The following MED18 variants were observed in gnomAD, a reference collection of about 807,000 sequenced individuals.
The protein encoded by MED18 is mediator complex subunit 18, also known as mediator of RNA polymerase II transcription subunit 18.
A neutral mutation model predicts 13.9 loss-of-function variants in MED18; 10 were observed. The observed-to-expected ratio is 0.72, with a 90% CI of 0.44 to 1.22. The LOEUF is 1.22. Among genes scored for constraint, MED18 ranks in the 50% most tolerant of loss-of-function variants. MED18 has a pLI of 0.00. For synonymous variants in MED18, 88 were observed against 93.2 expected (o/e 0.94, Z 0.32); for missense variants, 216 against 279.0 (o/e 0.77, Z 1.61).
intron 2 of MED18, 129 bp from the exon 3 acceptor site, chr1:28,334,288 T>C (rs1395657128): frequency 2.1e-6 from 2 of 967,174 alleles, no homozygotes; most frequent in Non-Finnish European, 3.1e-6. Flanking sequence ...AAATCTCATG[T>C]TTGGCTGTAT....
At chr1:28,333,802 G>A (rs1027965795) in intron 2 of MED18, among the ~76,000 whole-genome samples, 2 of 152,234 alleles carry the variant, frequency 1.3e-5, no homozygotes, top group Admixed American at 1.3e-4. Context: ...GGAGGTTGCA[G>A]TGAGCTGAGA....
Position 28,330,388 on chromosome 1 carries a change from T to A in MED18, c.-66-209T>A, listed in dbSNP as rs1451149036. 6 of 295,198 alleles carry A rather than the reference T, an allele frequency of 2.0e-5. No individual in the cohort carries two copies. The East Asian group carries it at 6.0e-4, about 30-fold the overall frequency. 18.3% of individuals were successfully genotyped at this position (295,198 alleles called of 1,614,324 possible). A position where few individuals can be genotyped will look rare whatever the true frequency, so the allele number is the denominator to read the frequency against. On this transcript the variant is annotated intron_variant, in intron 1 of 2. Transcript: ENST00000373842. ...CAAGATTGCACAGGTAATGTGGAGG[T>A]TTCAGAACTTGAGACTAGAAGGTAA...
chr1:28,329,979 C>T (rs1239004717), intron 1 of MED18, among the ~76,000 whole-genome samples: 2 of 152,060 alleles, frequency 1.3e-5, no homozygotes, highest in African/African-American at 4.8e-5. Context: ...TTAAAAATCA[C>T]TGGCCTTTGG....
In MED18 at chr1:28,335,140, C is replaced by G; in HGVS notation, c.*170C>G. On this transcript the variant is annotated 3_prime_UTR_variant, in exon 3 of 3. Coordinates refer to ENST00000373842, the MANE Select transcript of MED18 (RefSeq NM_017638.3). ...CACTGCAACCTCTGCCTCCTGGGTT[C>G]AAGCAATTCTCCCACCTCAGCCTCC... 1 of 615,132 alleles carries G rather than the reference C, an allele frequency of 1.6e-6. No homozygotes were observed. Among genetic ancestry groups the G allele is most frequent in the South Asian group, 2.1e-5 (1 of 47,582 alleles). 38.1% of individuals were successfully genotyped at this position (615,132 alleles called of 1,614,324 possible).
intron 1 of MED18, among the ~76,000 whole-genome samples, chr1:28,330,076 A>C (rs1296982369): frequency 6.6e-6 from 1 of 152,066 alleles, no homozygotes; most frequent in Non-Finnish European, 1.5e-5. Flanking sequence ...GTTCGAGGCC[A>C]ACCTGGCCAA....
At chr1:28,330,038 A>G (rs1463624619) in intron 1 of MED18, among the ~76,000 whole-genome samples, 32 of 151,976 alleles carry the variant, frequency 2.1e-4, no homozygotes, top group Admixed American at 2.1e-3. Flanking sequence ...GGGAGGCCGG[A>G]TCACCTGAGT....
intron 2 of MED18, among the ~76,000 whole-genome samples, chr1:28,334,023 T>G (rs1455579692): frequency 6.6e-6 from 1 of 151,624 alleles, no homozygotes; most frequent in Non-Finnish European, 1.5e-5. Context: ...AGGCCAGGAG[T>G]TCAAGACCAC....
intron 2 of MED18, among the ~76,000 whole-genome samples, chr1:28,332,251 A>G (rs1380692630): frequency 5.4e-5 from 8 of 147,414 alleles, no homozygotes; most frequent in African/African-American, 2.0e-4. Flanking sequence ...CATCTCTACT[A>G]AAAAAAAAAA....
Position 28,329,064 on chromosome 1 carries a change from G to GGGCT in MED18, c.-182_-179dup, listed in dbSNP as rs1649607609. ...AAGTTGGCTGGTTGCACCGATCTGGGGGCTTCCCGGGCTCGGGTAACCGGA... is the reference window on the plus strand; with the variant it reads ...AAGTTGGCTGGTTGCACCGATCTGGGGGCTGGCTTCCCGGGCTCGGGTAACCGGA... On this transcript the variant is annotated 5_prime_UTR_variant, in exon 1 of 3. Coordinates refer to ENST00000373842, the MANE Select transcript of MED18 (RefSeq NM_017638.3). The GGGCT allele has an allele frequency of 6.6e-6, 1 of 152,182 alleles. No homozygotes were observed. Among genetic ancestry groups the GGGCT allele is most frequent in the Non-Finnish European group, 1.5e-5 (1 of 68,060 alleles). The allele number at this position is 152,182 out of a possible 1,614,324, so 9.4% of individuals were successfully genotyped here. A position where few individuals can be genotyped will look rare whatever the true frequency, so the allele number is the denominator to read the frequency against.
At chr1:28,331,202 A>G (rs1231359506) in intron 2 of MED18, among the ~76,000 whole-genome samples, 1 of 152,066 alleles carries the variant, frequency 6.6e-6, no homozygotes, top group Admixed American at 6.6e-5. Context: ...TCAAAAAAAA[A>G]AAAAAATTGC....
intron 2 of MED18, among the ~76,000 whole-genome samples, chr1:28,331,500 T>G (rs1232892045): frequency 6.6e-6 from 1 of 151,994 alleles, no homozygotes; most frequent in East Asian, 1.9e-4. Context: ...CAGCTAATTT[T>G]TGTATTTTTA....
At chr1:28,329,944 C>T (rs560630063) in intron 1 of MED18, among the ~76,000 whole-genome samples, 37 of 152,180 alleles carry the variant, frequency 2.4e-4, no homozygotes, top group Non-Finnish European at 4.3e-4. Flanking sequence ...TTTATTATCT[C>T]GTTTGAGCCA....
intron 2 of MED18, among the ~76,000 whole-genome samples, chr1:28,331,780 G>A (rs187832600): frequency 2.0e-5 from 3 of 151,264 alleles, no homozygotes; most frequent in Non-Finnish European, 2.9e-5. Flanking sequence ...TTCTCACTCC[G>A]TTGCCCAGGC....
intron 2 of MED18, among the ~76,000 whole-genome samples, chr1:28,330,962 G>A (rs1041161436): frequency 6.6e-6 from 1 of 152,162 alleles, no homozygotes; most frequent in Non-Finnish European, 1.5e-5. Flanking sequence ...GGAGGCCGAG[G>A]TGGGCGGATC....
In MED18 at chr1:28,330,630, G is replaced by T. The variant is rs765768701; in HGVS notation, c.-33G>T. 1.8e-5 allele frequency: 29 copies of T among 1,581,048 alleles called. No homozygotes were observed. Among genetic ancestry groups the T allele is most frequent in the Non-Finnish European group, 2.4e-5 (28 of 1,158,442 alleles). On this transcript the variant is annotated 5_prime_UTR_variant, in exon 2 of 3. Coordinates refer to ENST00000373842, the MANE Select transcript of MED18 (RefSeq NM_017638.3). Reference sequence around the variant, plus strand: ...CGTGCCTTACCTGACTGGGGGCTCTGAGTCCAGTTGTGTTGTCTTCAACTT... The same window carrying T: ...CGTGCCTTACCTGACTGGGGGCTCTTAGTCCAGTTGTGTTGTCTTCAACTT...
chr1:28,329,441 A>G (rs1167221773), intron 1 of MED18, among the ~76,000 whole-genome samples: 1 of 151,756 alleles, frequency 6.6e-6, no homozygotes, highest in Admixed American at 6.6e-5. Flanking sequence ...GCTCGCCACC[A>G]GGCCTGGCTA....
intron 2 of MED18, among the ~76,000 whole-genome samples, chr1:28,334,118 T>C (rs1332245089): frequency 1.3e-5 from 2 of 152,088 alleles, no homozygotes; most frequent in Non-Finnish European, 2.9e-5. Context: ...AGATAGACAC[T>C]GTCGCTGATT....
At chr1:28,330,424 C>T (rs946249223) in intron 1 of MED18, 173 bp from the exon 2 acceptor site, 24 of 375,320 alleles carry the variant, frequency 6.4e-5, no homozygotes, top group Middle Eastern at 1.5e-3. Flanking sequence ...TGCTGTAACT[C>T]CATGACCAGA....
chr1:28,334,350 C>T, intron 2 of MED18, 67 bp from the exon 3 acceptor site: 1 of 1,493,800 alleles, frequency 6.7e-7, no homozygotes, highest in African/African-American at 1.4e-5. Context: ...TAAGTTTTTT[C>T]AATTGTATAC....
Sources: gnomAD v4.1 joint callset for allele counts (sites outside exome capture counted in the v4.1 genomes callset) on GRCh38, gnomAD v4.1.1 for gene constraint, MANE v1.5 for transcripts, NCBI Gene and HGNC (gene_info 2026-07-23, HGNC 2026-07-21) for gene names.